Variants in KIRREL3 observed in about 807,000 individuals in gnomAD.
The protein encoded by KIRREL3 is kirre like nephrin family adhesion molecule 3.
KIRREL3 carries 36 observed loss-of-function variants against 89.7 expected under a neutral mutation model. That is an observed-to-expected ratio of 0.40 (90% CI 0.31 to 0.53). The LOEUF (loss-of-function observed/expected upper bound fraction) is 0.53. Ranked by LOEUF, KIRREL3 falls within the 20% of genes least tolerant of loss-of-function variation. The probability of loss-of-function intolerance (pLI) is 0.49; values close to 1 mark genes in which losing one functional copy is unlikely to be tolerated. For missense variants in KIRREL3, 864 were observed against 1,056.6 expected, an observed-to-expected ratio of 0.82 and a Z score of 2.53; for synonymous variants, 445 against 441.4, an observed-to-expected ratio of 1.01 and a Z score of -0.10.
In KIRREL3 at chr11:126,997,243, C is replaced by T. The variant is rs1159569972; in HGVS notation, c.55+3212G>A. ...CTAAGTTTATGGATGACAAAAGAAT[C>T]GATTATTTTTTCACCCAGGGGCAGA... On this transcript the variant is annotated intron_variant, in intron 1 of 16. Coordinates refer to ENST00000525144, the MANE Select transcript of KIRREL3 (RefSeq NM_032531.4). The surrounding 1 kb of genome is among the most constrained non-coding windows in gnomAD (Gnocchi z 4.3). 6.6e-6 allele frequency among the ~76,000 whole-genome samples: 1 copy of T among 152,124 alleles called. No individual in the cohort carries two copies.
intron 1 of KIRREL3, among the ~76,000 whole-genome samples, chr11:126,932,997 A>C (rs1948018369): frequency 6.6e-6 from 1 of 152,202 alleles, no homozygotes; most frequent in African/African-American, 2.4e-5. Context: ...TTACTGCTGC[A>C]GTTGCAGATA....
chr11:126,624,383 G>A lies in KIRREL3; in HGVS notation c.56-61471C>T, dbSNP rs957848051. 6.6e-6 allele frequency among the ~76,000 whole-genome samples: 1 copy of A among 152,118 alleles called. No individual in the cohort carries two copies. The highest frequency in any genetic ancestry group is 6.5e-5 in the Admixed American group (1 of 15,274). On this transcript the variant is annotated intron_variant, in intron 1 of 16. Coordinates refer to ENST00000525144, the MANE Select transcript of KIRREL3 (RefSeq NM_032531.4). This position sits in a 1 kb window ranked among gnomAD's most constrained non-coding sequence, Gnocchi z 6.0. ...AAACCTGAGGTATTTCTTAGAACAC[G>A]AAGCATGAATCACTTACACCAGAGA...
At chr11:126,650,094 A>G (rs1479901114) in intron 1 of KIRREL3, among the ~76,000 whole-genome samples, 1 of 152,208 alleles carries the variant, frequency 6.6e-6, no homozygotes, top group East Asian at 1.9e-4. Context: ...CCTTTCAGCC[A>G]TGGCTGTAGC....
In KIRREL3 at chr11:126,555,165, A is replaced by G. The variant is rs1939607845; in HGVS notation, c.133+7670T>C. On this transcript the variant is annotated intron_variant, in intron 2 of 16. Coordinates refer to ENST00000525144, the MANE Select transcript of KIRREL3 (RefSeq NM_032531.4). The surrounding 1 kb of genome is among the most constrained non-coding windows in gnomAD (Gnocchi z 4.2). ...CTTGGACACTGCTGTGGGGCCGCAC[A>G]GAGCCTGCTTCTGCCAGAGATGAGT... Among the ~76,000 whole-genome samples, 1 of 152,168 alleles carries G rather than the reference A, an allele frequency of 6.6e-6. No individual in the cohort carries two copies. The highest frequency in any genetic ancestry group is 6.5e-5 in the Admixed American group (1 of 15,276).
intron 1 of KIRREL3, among the ~76,000 whole-genome samples, chr11:126,637,236 T>C (rs1320011655): frequency 6.6e-6 from 1 of 152,236 alleles, no homozygotes. Flanking sequence ...AGTTTTGATT[T>C]CCATATGGGC....
At position 126,655,604 on chromosome 11, in the gene KIRREL3, G is replaced by A. The variant is rs1056685987; in HGVS notation, c.56-92692C>T. 2.0e-5 allele frequency among the ~76,000 whole-genome samples: 3 copies of A among 152,186 alleles called. No homozygotes were observed. Among genetic ancestry groups the A allele is most frequent in the African/African-American group, 4.8e-5 (2 of 41,450 alleles). ...GGACTGGAACCACTTTGCAAAGAGC[G>A]CAGATCTGCAGTTTTCACAACGCAG... is the stretch of plus-strand genomic sequence containing the variant. On this transcript the variant is annotated intron_variant, in intron 1 of 16. Transcript: ENST00000525144. The surrounding 1 kb of genome is among the most constrained non-coding windows in gnomAD (Gnocchi z 5.0).
rs1369068529 is a variant in KIRREL3, at chr11:126,747,524, C to A, written c.56-184612G>T. On this transcript the variant is annotated intron_variant, in intron 1 of 16. Coordinates refer to ENST00000525144, the MANE Select transcript of KIRREL3 (RefSeq NM_032531.4). This position sits in a 1 kb window ranked among gnomAD's most constrained non-coding sequence, Gnocchi z 4.7. ...AAACTCCTATTCATCCATCAAAGGC[C>A]TGCTCACATGTTCCCTCTCTGCAAA... is the stretch of plus-strand genomic sequence containing the variant. Among the ~76,000 whole-genome samples the A allele has an allele frequency of 1.3e-5, 2 of 152,026 alleles. No individual in the cohort carries two copies. The highest frequency in any genetic ancestry group is 6.5e-5 in the Admixed American group (1 of 15,270).
In KIRREL3 at chr11:126,725,677, C is replaced by A. The variant is rs1432908198; in HGVS notation, c.56-162765G>T. 2.6e-5 allele frequency among the ~76,000 whole-genome samples: 4 copies of A among 152,244 alleles called. No homozygotes were observed. In the East Asian group the frequency reaches 7.7e-4, roughly 29 times the overall value. ...CAGGGTGCACTGCTGCAGGCTGGAC[C>A]CTGAGCCCGCTCTGCCCTCGCTGCA... is the stretch of plus-strand genomic sequence containing the variant. On this transcript the variant is annotated intron_variant, in intron 1 of 16. Transcript: ENST00000525144.
At chr11:126,941,533 A>G (rs935421438) in intron 1 of KIRREL3, among the ~76,000 whole-genome samples, 5 of 152,350 alleles carry the variant, frequency 3.3e-5, no homozygotes, top group Admixed American at 1.3e-4. Flanking sequence ...CGCATGGTGC[A>G]TAAACTGACG....
In KIRREL3 at chr11:126,432,161, C is replaced by T. The variant is rs1310646869; in HGVS notation, c.1589-635G>A. Among the ~76,000 whole-genome samples, 2 of 152,040 alleles carry T rather than the reference C, an allele frequency of 1.3e-5. No individual in the cohort carries two copies. The highest frequency in any genetic ancestry group is 1.5e-5 in the Non-Finnish European group (1 of 67,994). On this transcript the variant is annotated intron_variant, in intron 13 of 16. Transcript: ENST00000525144. The surrounding 1 kb of genome is among the most constrained non-coding windows in gnomAD (Gnocchi z 6.2). ...CTGCCACCTCTCTAAGGAGAGAGGCCCCTTTCCCTCCATCTCCAGGTCTGC... is the reference window on the plus strand; with the variant it reads ...CTGCCACCTCTCTAAGGAGAGAGGCTCCTTTCCCTCCATCTCCAGGTCTGC...
At position 126,499,892 on chromosome 11, in the gene KIRREL3, T is replaced by C. The variant is rs897972874; in HGVS notation, c.433+21423A>G. ...GCCTGGGATGGTAGTGAGTTGTTTA[T>C]GTCTTCTCCCTCCTTTGGCAGTAAA... is the stretch of plus-strand genomic sequence containing the variant. On this transcript the variant is annotated intron_variant, in intron 4 of 16. Transcript: ENST00000525144. 6.6e-5 allele frequency among the ~76,000 whole-genome samples: 10 copies of C among 152,228 alleles called. No homozygotes were observed. The South Asian group carries it at 1.0e-3, about 16-fold the overall frequency.
chr11:126,699,564 GATTATA>G (rs1947233882), intron 1 of KIRREL3, among the ~76,000 whole-genome samples: 1 of 152,124 alleles, frequency 6.6e-6, no homozygotes, highest in Non-Finnish European at 1.5e-5. Context: ...TAATTCAATA[GATTATA>G]ATTATAAAAT....
rs1377099107 is a variant in KIRREL3, at chr11:126,817,954, A to G, written c.55+182501T>C. ...ACTCAGCTCTTGAATCAGAGGCTTCAGCAGGAGGAGAGGCTCAAATGAGCC... is the reference window on the plus strand; with the variant it reads ...ACTCAGCTCTTGAATCAGAGGCTTCGGCAGGAGGAGAGGCTCAAATGAGCC... On this transcript the variant is annotated intron_variant, in intron 1 of 16. Transcript: ENST00000525144. This position sits in a 1 kb window ranked among gnomAD's most constrained non-coding sequence, Gnocchi z 5.7. Among the ~76,000 whole-genome samples the G allele has an allele frequency of 6.6e-6, 1 of 152,244 alleles. No individual in the cohort carries two copies. Among genetic ancestry groups the G allele is most frequent in the Non-Finnish European group, 1.5e-5 (1 of 68,048 alleles).
At chr11:126,982,208 A>C (rs1473118886) in intron 1 of KIRREL3, among the ~76,000 whole-genome samples, 1 of 152,140 alleles carries the variant, frequency 6.6e-6, no homozygotes, top group Non-Finnish European at 1.5e-5. Flanking sequence ...TTATCAACAA[A>C]GATGTTATCA....
At chr11:126,493,963 T>C (rs192269839) in intron 4 of KIRREL3, among the ~76,000 whole-genome samples, 1 of 152,266 alleles carries the variant, frequency 6.6e-6, no homozygotes, top group African/African-American at 2.4e-5. Flanking sequence ...TGAGTGAGGC[T>C]CTTGTCTCGG....
At chr11:126,992,681 A>G (rs1950068182) in intron 1 of KIRREL3, 1 of 152,250 alleles carries the variant, frequency 6.6e-6, no homozygotes, top group Non-Finnish European at 1.5e-5. Context: ...TCCTCTTGAG[A>G]ACAAGAAAGA....
At chr11:126,436,418 C>T (rs565086045) in intron 12 of KIRREL3, among the ~76,000 whole-genome samples, 5 of 152,272 alleles carry the variant, frequency 3.3e-5, no homozygotes, top group African/African-American at 1.2e-4. Context: ...ACGCTCCACC[C>T]AGGCATGACA....
At chr11:126,790,874 A>C (rs114694184) in intron 1 of KIRREL3, among the ~76,000 whole-genome samples, 5,519 of 152,238 alleles carry the variant, frequency 0.036, 321 homozygotes, top group African/African-American at 0.12. Flanking sequence ...CCTGTTCCTG[A>C]TCCCAGGGGG....
chr11:126,431,604 G>C lies in KIRREL3; in HGVS notation c.1589-78C>G, dbSNP rs781099723. On this transcript the variant is annotated intron_variant, in intron 13 of 16. Transcript: ENST00000525144. This position sits in a 1 kb window ranked among gnomAD's most constrained non-coding sequence, Gnocchi z 7.1. The stretch of plus-strand genomic sequence containing the variant: ...CCCCCCATGATCTCACCCCGTTCCT[G>C]CGGGGGCAGCCCCTGCCACATGGGG... The C allele has an allele frequency of 1.4e-6, 2 of 1,396,842 alleles. No individual in the cohort carries two copies. Among genetic ancestry groups the C allele is most frequent in the Non-Finnish European group, 2.0e-6 (2 of 1,015,282 alleles). 86.5% of individuals were successfully genotyped at this position (1,396,842 alleles called of 1,614,324 possible).
Sources: allele counts gnomAD v4.1 joint callset (sites outside exome capture counted in the v4.1 genomes callset), GRCh38; gene constraint gnomAD v4.1.1; non-coding constraint Gnocchi (gnomAD v3.1); transcripts MANE v1.5; gene names NCBI Gene and HGNC (gene_info 2026-07-23, HGNC 2026-07-21).